Variants in ROBO2 observed in about 807,000 individuals in gnomAD.
ROBO2 encodes roundabout guidance receptor 2, also known as roundabout homolog 2.
Under a neutral mutation model 160.8 loss-of-function variants are expected in ROBO2, and 53 were observed. That is an observed-to-expected ratio of 0.33 (90% CI 0.26 to 0.41). The LOEUF (loss-of-function observed/expected upper bound fraction) is 0.41. Ranked by LOEUF, ROBO2 falls within the 10% of genes least tolerant of loss-of-function variation. The pLI is 1.00. For missense variants in ROBO2, 1,577 were observed against 1,722.4 expected, an observed-to-expected ratio of 0.92 and a Z score of 1.49; for synonymous variants, 664 against 611.7, an observed-to-expected ratio of 1.09 and a Z score of -1.26.
intron 2 of ROBO2, among the ~76,000 whole-genome samples, chr3:76,980,817 A>G (rs1414788695): frequency 1.3e-5 from 2 of 151,704 alleles, no homozygotes; most frequent in African/African-American, 4.8e-5. Flanking sequence ...TATCAAGAAA[A>G]CCCTTCACCT....
At chr3:76,555,349 GTAGGAAGAGAGA>G (rs2083645562) in intron 2 of ROBO2, among the ~76,000 whole-genome samples, 1 of 46,422 alleles carries the variant, frequency 2.2e-5, no homozygotes, top group Admixed American at 3.0e-4. Flanking sequence ...AGGAGGAAGA[GTAGGAAGAGAGA>G]AGAAGAAGAA....
intron 2 of ROBO2, among the ~76,000 whole-genome samples, chr3:76,749,529 T>C (rs2093945984): frequency 6.6e-6 from 1 of 152,034 alleles, no homozygotes; most frequent in Admixed American, 6.6e-5. Context: ...CAAGTTCTTA[T>C]TTGAGTAGAA....
rs1166013021 is a variant in ROBO2 at position 76,574,420 on chromosome 3, A to G, written c.110-523594A>G. Among the ~76,000 whole-genome samples the G allele has an allele frequency of 3.3e-5, 5 of 152,240 alleles. No homozygotes were observed. In the East Asian group the frequency reaches 5.8e-4, roughly 18 times the overall value. On this transcript the variant is annotated intron_variant, in intron 2 of 26. Transcript: ENST00000487694. ...TTTATGTAGCATACAACTTTGAATC[A>G]CATAAAAACTTTCAATGATGTTAGC...
chr3:77,086,593 T>A (rs1578841090), intron 1 of ROBO2, among the ~76,000 whole-genome samples: 1 of 152,136 alleles, frequency 6.6e-6, no homozygotes, highest in East Asian at 1.9e-4. Flanking sequence ...CAATCCATGA[T>A]TTATGAATCA....
intron 2 of ROBO2, among the ~76,000 whole-genome samples, chr3:76,642,989 G>A (rs2090776242): frequency 6.6e-6 from 1 of 152,136 alleles, no homozygotes; most frequent in African/African-American, 2.4e-5. Context: ...TACTAATAAT[G>A]TATTTTATTA....
chr3:76,497,093 T>C (rs559865878), intron 2 of ROBO2, among the ~76,000 whole-genome samples: 3 of 152,288 alleles, frequency 2.0e-5, no homozygotes, highest in South Asian at 4.1e-4. Context: ...ACAATGAACA[T>C]TATGTGGTTG....
chr3:76,775,172 T>C (rs183030731), intron 2 of ROBO2, among the ~76,000 whole-genome samples: 2 of 150,840 alleles, frequency 1.3e-5, no homozygotes, highest in Admixed American at 1.3e-4. Context: ...TAGCTACATA[T>C]GTAGTCCTAA....
intron 2 of ROBO2, among the ~76,000 whole-genome samples, chr3:76,937,424 T>C (rs2077779532): frequency 6.6e-6 from 1 of 152,204 alleles, no homozygotes; most frequent in Admixed American, 6.5e-5. Flanking sequence ...TACCCATGTA[T>C]TTTTATCACA....
chr3:76,261,717 ACT>A (rs1359045605), intron 2 of ROBO2, among the ~76,000 whole-genome samples: 1 of 152,106 alleles, frequency 6.6e-6, no homozygotes, highest in Non-Finnish European at 1.5e-5. Flanking sequence ...TAGAAAAAAT[ACT>A]GTGTGCATTT....
At chr3:76,117,377 A>G (rs1246059254) in intron 2 of ROBO2, among the ~76,000 whole-genome samples, 1 of 152,216 alleles carries the variant, frequency 6.6e-6, no homozygotes, top group Admixed American at 6.5e-5. Flanking sequence ...TTGAGAATAT[A>G]TAAAATCTAT....
Position 76,679,747 on chromosome 3 carries a change from C to A in ROBO2, c.110-418267C>A, listed in dbSNP as rs116104618. On this transcript the variant is annotated intron_variant, in intron 2 of 26. Transcript: ENST00000487694. ...TAACATATAATTATGTAGTGAAATT[C>A]TTTGTGTCTTTTTATTTTATTCTAA... 3.9e-3 allele frequency among the ~76,000 whole-genome samples: 590 copies of A among 152,188 alleles called. 1 individual carries two copies. Among genetic ancestry groups the A allele is most frequent in the Non-Finnish European group, 7.0e-3 (474 of 67,978 alleles).
rs563397464 is a variant in ROBO2, at chr3:77,542,704, A to G, written c.935-3634A>G. Among the ~76,000 whole-genome samples the G allele has an allele frequency of 4.6e-5, 7 of 152,234 alleles. No homozygotes were observed. In the East Asian group the frequency reaches 1.2e-3, roughly 25 times the overall value. On this transcript the variant is annotated intron_variant, in intron 6 of 25. Transcript: ENST00000461745. Reference sequence around the variant, plus strand: ...TTTTGCAGAATTTCTTTGTCCTTTAAAAGCCCTGATGAAATGGTATCTTTA... The same window carrying G: ...TTTTGCAGAATTTCTTTGTCCTTTAGAAGCCCTGATGAAATGGTATCTTTA...
intron 7 of ROBO2, among the ~76,000 whole-genome samples, chr3:77,550,584 GATT>G (rs2092882449): frequency 6.6e-6 from 1 of 151,926 alleles, no homozygotes; most frequent in Non-Finnish European, 1.5e-5. Flanking sequence ...AAACACAGAT[GATT>G]ATTCTTTCAA....
chr3:75,982,170 C>T (rs1323720641), intron 2 of ROBO2, among the ~76,000 whole-genome samples: 1 of 151,538 alleles, frequency 6.6e-6, no homozygotes, highest in Non-Finnish European at 1.5e-5. Flanking sequence ...ATCCGTTCTT[C>T]TGCTGATGGA....
chr3:76,771,470 A>G (rs1355220821), intron 2 of ROBO2, among the ~76,000 whole-genome samples: 1 of 151,228 alleles, frequency 6.6e-6, no homozygotes, highest in Non-Finnish European at 1.5e-5. Context: ...GTAATGCATA[A>G]TATTATTTTC....
chr3:76,395,004 C>T (rs955936208), intron 2 of ROBO2, among the ~76,000 whole-genome samples: 7 of 152,124 alleles, frequency 4.6e-5, no homozygotes, highest in African/African-American at 1.7e-4. Context: ...ACTCTCCACC[C>T]CAAATCAACA....
chr3:77,170,925 C>G (rs1341037832), intron 2 of ROBO2, among the ~76,000 whole-genome samples: 1 of 151,974 alleles, frequency 6.6e-6, no homozygotes, highest in African/African-American at 2.4e-5. Context: ...AAAATACAAG[C>G]AGAGGGTGCT....
chr3:77,074,224 G>A (rs1396680325), intron 1 of ROBO2, among the ~76,000 whole-genome samples: 1 of 152,182 alleles, frequency 6.6e-6, no homozygotes. Context: ...TGAGGTAATG[G>A]CACTTTATGT....
intron 2 of ROBO2, among the ~76,000 whole-genome samples, chr3:76,138,919 G>C (rs1040102853): frequency 6.6e-6 from 1 of 152,080 alleles, no homozygotes; most frequent in Non-Finnish European, 1.5e-5. Flanking sequence ...TCCTTTATCT[G>C]ATCAATGGTA....
Sources: gnomAD v4.1 joint callset for allele counts (sites outside exome capture counted in the v4.1 genomes callset) on GRCh38, gnomAD v4.1.1 for gene constraint, MANE v1.5 for transcripts, NCBI Gene and HGNC (gene_info 2026-07-23, HGNC 2026-07-21) for gene names.